MTUS2: variants seen among roughly 807,000 people sequenced by gnomAD.
MTUS2 encodes microtubule-associated tumor suppressor candidate 2.
Under a neutral mutation model 114.1 loss-of-function variants are expected in MTUS2, and 40 were observed. The ratio of observed to expected loss-of-function variants is 0.35; its 90% CI spans 0.27 to 0.46. The LOEUF (loss-of-function observed/expected upper bound fraction) is 0.46, where lower values mean the gene tolerates loss of function less well. Ranked by LOEUF, MTUS2 falls within the 20% of genes least tolerant of loss-of-function variation. The probability of loss-of-function intolerance (pLI) is 1.00; values close to 1 mark genes in which losing one functional copy is unlikely to be tolerated. For synonymous variants in MTUS2, 688 were observed against 672.0 expected (o/e 1.02, Z -0.37); for missense variants, 1,679 against 1,705.4 (o/e 0.98, Z 0.27).
At position 29,375,619 on chromosome 13, in the gene MTUS2, AT is replaced by A. The variant is rs1476966521; in HGVS notation, c.3117+16147del. 7.7e-4 allele frequency among the ~76,000 whole-genome samples: 8 copies of A among 10,350 alleles called. 1 individual carries two copies. Among genetic ancestry groups the A allele is most frequent in the African/African-American group, 1.4e-3 (6 of 4,292 alleles). The allele number at this position is 10,350 out of a possible 152,430, so 6.8% of individuals were successfully genotyped here. On this transcript the variant is annotated intron_variant, in intron 8 of 15. Coordinates refer to ENST00000612955, the MANE Select transcript of MTUS2 (RefSeq NM_001033602.4). ...TATATATATATATACGTATATATAT[AT>A]ATATATATATATATATATACACACA...
chr13:28,966,575 A>G (rs1168104665), intron 2 of MTUS2, among the ~76,000 whole-genome samples: 2 of 152,116 alleles, frequency 1.3e-5, no homozygotes, highest in African/African-American at 2.4e-5. Context: ...TTAAAAAGCA[A>G]TTAGCTGGGC....
chr13:29,168,239 G>A (rs1042526447), intron 5 of MTUS2, among the ~76,000 whole-genome samples: 1 of 152,174 alleles, frequency 6.6e-6, no homozygotes, highest in Non-Finnish European at 1.5e-5. Context: ...GTTAGCCCTT[G>A]AGTATGATTT....
intron 2 of MTUS2, among the ~76,000 whole-genome samples, chr13:28,911,845 G>GTTTTT (rs202187530): frequency 9.6e-6 from 1 of 103,828 alleles, no homozygotes; most frequent in African/African-American, 3.8e-5. Context: ...ACTTTTTAAT[G>GTTTTT]TTTTTTTTTT....
At chr13:29,489,575 A>T (rs1299204262) in intron 11 of MTUS2, 1 of 152,208 alleles carries the variant, frequency 6.6e-6, no homozygotes, top group Admixed American at 6.5e-5. Context: ...TCGGCTACAC[A>T]TTGGAACCAC....
intron 5 of MTUS2, among the ~76,000 whole-genome samples, chr13:29,184,477 A>C (rs915141776): frequency 6.6e-6 from 1 of 152,208 alleles, no homozygotes; most frequent in Non-Finnish European, 1.5e-5. Flanking sequence ...AAAAGCCCCA[A>C]GCTCTCACTT....
chr13:29,108,418 G>A (rs1434301475), intron 5 of MTUS2, among the ~76,000 whole-genome samples: 1 of 152,162 alleles, frequency 6.6e-6, no homozygotes, highest in Non-Finnish European at 1.5e-5. Context: ...ATAAACTGAA[G>A]GTTTGGGGAA....
At chr13:28,825,787 A>G (rs1221853657) in intron 1 of MTUS2, among the ~76,000 whole-genome samples, 1 of 152,336 alleles carries the variant, frequency 6.6e-6, no homozygotes, top group East Asian at 1.9e-4. Context: ...CTCAACAACC[A>G]AAACACAAAT....
rs949176684 is a variant in MTUS2 at position 29,252,879 on chromosome 13, A to G, written c.2645-28825A>G. Among the ~76,000 whole-genome samples, 6 of 151,460 alleles carry G rather than the reference A, an allele frequency of 4.0e-5. No individual in the cohort carries two copies. The East Asian group carries it at 9.7e-4, about 24-fold the overall frequency. On this transcript the variant is annotated intron_variant, in intron 5 of 15. Transcript: ENST00000612955. ...TTTGCCATGATTGTGAGGCCTCCCC[A>G]GCCACATGGAACTGTGAGTCCATTA...
intron 2 of MTUS2, among the ~76,000 whole-genome samples, chr13:28,880,819 T>A (rs1180428205): frequency 6.6e-6 from 1 of 152,198 alleles, no homozygotes; most frequent in Non-Finnish European, 1.5e-5. Flanking sequence ...TGGTTAACAG[T>A]ACAGCATGGT....
At chr13:28,862,628 A>G (rs893728913) in intron 2 of MTUS2, among the ~76,000 whole-genome samples, 4 of 152,186 alleles carry the variant, frequency 2.6e-5, no homozygotes, top group Admixed American at 1.3e-4. Flanking sequence ...AACCAAACCA[A>G]ACCAAACCCT....
intron 2 of MTUS2, among the ~76,000 whole-genome samples, chr13:28,952,816 A>T (rs1355725570): frequency 1.3e-5 from 2 of 152,244 alleles, no homozygotes; most frequent in East Asian, 3.9e-4. Flanking sequence ...CATGGTATGG[A>T]CCTCTTATTA....
intron 2 of MTUS2, among the ~76,000 whole-genome samples, chr13:29,014,655 T>TA (rs1416679340): frequency 6.6e-6 from 1 of 151,998 alleles, no homozygotes; most frequent in Non-Finnish European, 1.5e-5. Context: ...GCTAAAATGT[T>TA]AGAGTGGGGG....
chr13:28,962,926 C>A (rs1274172470), intron 2 of MTUS2, among the ~76,000 whole-genome samples: 1 of 152,158 alleles, frequency 6.6e-6, no homozygotes, highest in Non-Finnish European at 1.5e-5. Context: ...CTGATGGGTC[C>A]TCTATCCTGC....
chr13:29,150,031 A>C (rs1357051710), intron 5 of MTUS2, among the ~76,000 whole-genome samples: 2 of 152,130 alleles, frequency 1.3e-5, no homozygotes, highest in African/African-American at 4.8e-5. Flanking sequence ...ATTTTAAAAT[A>C]GTTTTTTCTA....
chr13:29,324,690 A>C lies in MTUS2; in HGVS notation c.2884A>C (p.Thr962Pro). The change falls in exon 7 of 16, where the codon ACC becomes CCC. Residue 962 changes from threonine to proline, a missense_variant. By Grantham distance (38) the Thr-to-Pro change is conservative. Coordinates refer to ENST00000612955, the MANE Select transcript of MTUS2 (RefSeq NM_001033602.4). ...VSSPKRVAAS[T>P]TKLHSPGYPK... ...ATCTCCTAAGAGAGTAGCAGCTTCA[A>C]CCACCAAGCTTCATTCACCAGGTAT... The C allele has an allele frequency of 6.3e-7, 1 of 1,599,234 alleles. No homozygotes were observed. Among genetic ancestry groups the C allele is most frequent in the Non-Finnish European group, 8.5e-7 (1 of 1,172,470 alleles).
chr13:29,091,090 C>CTG, intron 4 of MTUS2, among the ~76,000 whole-genome samples: 1 of 152,180 alleles, frequency 6.6e-6, no homozygotes, highest in East Asian at 1.9e-4. Flanking sequence ...TCCTCCTCAT[C>CTG]AGCCCCAGGG....
At chr13:28,941,556 T>C (rs967165933) in intron 2 of MTUS2, among the ~76,000 whole-genome samples, 1 of 151,740 alleles carries the variant, frequency 6.6e-6, no homozygotes, top group African/African-American at 2.4e-5. Flanking sequence ...TTTTGAAAAT[T>C]TGGTGAATGT....
intron 10 of MTUS2, among the ~76,000 whole-genome samples, chr13:29,483,019 G>C (rs779495751): frequency 3.3e-5 from 5 of 152,204 alleles, no homozygotes; most frequent in Non-Finnish European, 7.3e-5. Context: ...GGAGACTCAA[G>C]GGTGTGACTG....
intron 8 of MTUS2, among the ~76,000 whole-genome samples, chr13:29,379,855 G>A (rs1003846346): frequency 5.9e-5 from 9 of 152,200 alleles, no homozygotes; most frequent in African/African-American, 1.9e-4. Flanking sequence ...AGACATAAGG[G>A]TAGAGATTAA....
Sources: allele counts gnomAD v4.1 joint callset (sites outside exome capture counted in the v4.1 genomes callset), GRCh38; gene constraint gnomAD v4.1.1; transcripts MANE v1.5; gene names NCBI Gene and HGNC (gene_info 2026-07-23, HGNC 2026-07-21).